The following ADAM10 variants were observed in gnomAD, a reference collection of about 807,000 sequenced individuals.
ADAM10 encodes the protein disintegrin and metalloproteinase domain-containing protein 10.
Under a neutral mutation model 90.1 loss-of-function variants are expected in ADAM10, and 17 were observed. The ratio of observed to expected loss-of-function variants is 0.19; its 90% confidence interval spans 0.13 to 0.28. ADAM10 has a LOEUF of 0.28. Ranked by LOEUF, ADAM10 falls within the 10% of genes least tolerant of loss-of-function variation. The pLI is 1.00. For missense variants in ADAM10, 610 were observed against 914.3 expected, an observed-to-expected ratio of 0.67 and a Z score of 4.29; for synonymous variants, 310 against 298.6, an observed-to-expected ratio of 1.04 and a Z score of -0.40.
chr15:58,604,816 C>A (rs903190811), intron 14 of ADAM10, among the ~76,000 whole-genome samples: 6 of 152,178 alleles, frequency 3.9e-5, no homozygotes, highest in African/African-American at 1.2e-4. Context: ...GGTGCAATCA[C>A]GGCTCACTGC....
intron 1 of ADAM10, chr15:58,732,206 T>C (rs553634703): frequency 6.6e-6 from 1 of 152,482 alleles, no homozygotes; most frequent in Admixed American, 6.5e-5. Context: ...AGCCTTCAAC[T>C]GCAAAGATAA....
At chr15:58,701,494 G>A (rs1389761132) in intron 2 of ADAM10, among the ~76,000 whole-genome samples, 1 of 152,174 alleles carries the variant, frequency 6.6e-6, no homozygotes, top group African/African-American at 2.4e-5. Context: ...AACAAATGCT[G>A]GCGAGAATGT....
At chr15:58,642,002 C>G (rs1190367225) in intron 7 of ADAM10, among the ~76,000 whole-genome samples, 3 of 152,170 alleles carry the variant, frequency 2.0e-5, no homozygotes, top group Non-Finnish European at 4.4e-5. Flanking sequence ...TATCTATTAA[C>G]AATTAACGAA....
intron 2 of ADAM10, chr15:58,692,128 G>T: frequency 2.0e-6 from 1 of 506,768 alleles, no homozygotes. Context: ...AGCTGTCCAT[G>T]ATCCACACAT....
intron 2 of ADAM10, among the ~76,000 whole-genome samples, chr15:58,695,437 G>A (rs1483383594): frequency 2.6e-5 from 4 of 152,070 alleles, no homozygotes; most frequent in African/African-American, 9.7e-5. Context: ...CATAAATTAT[G>A]TTTATAAAGG....
chr15:58,652,293 T>G (rs151154337), intron 5 of ADAM10, among the ~76,000 whole-genome samples: 2 of 152,196 alleles, frequency 1.3e-5, no homozygotes, highest in Non-Finnish European at 2.9e-5. Flanking sequence ...CCTGTGCTTA[T>G]GGGGTTTTAC....
At position 58,590,716 on chromosome 15, in the gene ADAM10, T is replaced by G. The variant is rs550967046; in HGVS notation, c.*6831A>C. On this transcript the variant is annotated 3_prime_UTR_variant, in exon 16 of 16. Coordinates refer to ENST00000260408, the MANE Select transcript of ADAM10 (RefSeq NM_001110.4). ...TGTATTTAGAAACACAAAGGCTAAC[T>G]CCCATACCCAAAGGGCAAGGGAAGA... is the stretch of plus-strand genomic sequence containing the variant. The G allele has an allele frequency of 6.6e-6, 1 of 152,304 alleles. No individual in the cohort carries two copies. Among genetic ancestry groups the G allele is most frequent in the South Asian group, 2.1e-4 (1 of 4,828 alleles). The allele number at this position is 152,304 out of a possible 1,614,324, so 9.4% of individuals were successfully genotyped here. A position where few individuals can be genotyped will look rare whatever the true frequency, so the allele number is the denominator to read the frequency against.
rs1894866922 is a variant in ADAM10 at position 58,593,181 on chromosome 15, TTTTTTTTTTTTTTTTTG to T, written c.*4349_*4365del. The T allele has an allele frequency of 1.5e-5, 1 of 64,968 alleles. No homozygotes were observed. The highest frequency in any genetic ancestry group is 5.8e-5 in the African/African-American group (1 of 17,102). 4.0% of individuals were successfully genotyped at this position (64,968 alleles called of 1,614,324 possible). On this transcript the variant is annotated 3_prime_UTR_variant, in exon 16 of 16. Coordinates refer to ENST00000260408, the MANE Select transcript of ADAM10 (RefSeq NM_001110.4). ...TTTTTTTTTTTTTTTTTTTTTTTTT[TTTTTTTTTTTTTTTTTG>T]AGACAGAGTCTCGCTCTGTCACCCA...
intron 15 of ADAM10, among the ~76,000 whole-genome samples, chr15:58,599,240 C>A (rs1261223601): frequency 6.6e-6 from 1 of 150,986 alleles, no homozygotes; most frequent in East Asian, 2.0e-4. Context: ...ATGAGAAGCA[C>A]AACTATTAGA....
intron 7 of ADAM10, among the ~76,000 whole-genome samples, chr15:58,642,204 C>T (rs950772004): frequency 1.6e-4 from 25 of 152,276 alleles, no homozygotes; most frequent in African/African-American, 5.8e-4. Context: ...CAGTGGCTCA[C>T]GCCTGTAATC....
In ADAM10 at chr15:58,679,109, A is replaced by T. The variant is rs1358405091; in HGVS notation, c.484+15T>A. ...CCTTTTGAAAAAGGCTACTTGATAA[A>T]ACTTAAGTACTTACTAATATCATCT... On this transcript the variant is annotated intron_variant, in intron 4 of 15. Transcript: ENST00000260408. 3 of 1,611,578 alleles carry T rather than the reference A, an allele frequency of 1.9e-6. No individual in the cohort carries two copies. Among genetic ancestry groups the T allele is most frequent in the Middle Eastern group, 1.7e-4 (1 of 6,026 alleles).
At chr15:58,673,371 T>C (rs1897240905) in intron 4 of ADAM10, among the ~76,000 whole-genome samples, 1 of 145,344 alleles carries the variant, frequency 6.9e-6, no homozygotes, top group South Asian at 2.2e-4. Flanking sequence ...CTTAACTGAA[T>C]ACCACTCTGT....
intron 5 of ADAM10, among the ~76,000 whole-genome samples, chr15:58,659,658 GCTTAGTTTT>G (rs1236393895): frequency 1.3e-5 from 2 of 152,078 alleles, no homozygotes; most frequent in African/African-American, 4.8e-5. Context: ...TTGCCCTGTA[GCTTAGTTTT>G]CTTGTAATGT....
chr15:58,714,579 T>G (rs1898593123), intron 2 of ADAM10, among the ~76,000 whole-genome samples: 1 of 152,118 alleles, frequency 6.6e-6, no homozygotes, highest in African/African-American at 2.4e-5. Context: ...ACAGTACAAT[T>G]TTATAGGCTG....
In ADAM10 at chr15:58,590,689, G is replaced by C. The variant is rs1180087607; in HGVS notation, c.*6858C>G. The C allele has an allele frequency of 6.6e-6, 1 of 152,192 alleles. No individual in the cohort carries two copies. Among genetic ancestry groups the C allele is most frequent in the Non-Finnish European group, 1.5e-5 (1 of 68,030 alleles). The allele number at this position is 152,192 out of a possible 1,614,324, so 9.4% of individuals were successfully genotyped here. A position where few individuals can be genotyped will look rare whatever the true frequency, so the allele number is the denominator to read the frequency against. On this transcript the variant is annotated 3_prime_UTR_variant, in exon 16 of 16. Transcript: ENST00000260408. ...CACCTTAATTTATAAAAACCGGCCT[G>C]TTGTATTTAGAAACACAAAGGCTAA...
chr15:58,739,927 G>A (rs931491625), intron 1 of ADAM10, among the ~76,000 whole-genome samples: 5 of 152,148 alleles, frequency 3.3e-5, no homozygotes, highest in African/African-American at 1.2e-4. Context: ...CAGAAGTCCA[G>A]TCCACTTCCT....
intron 10 of ADAM10, among the ~76,000 whole-genome samples, chr15:58,624,364 C>T (rs1419447184): frequency 6.6e-6 from 1 of 152,084 alleles, no homozygotes; most frequent in Non-Finnish European, 1.5e-5. Flanking sequence ...ATGATTTTTA[C>T]AAGTCTAGTA....
In ADAM10 at chr15:58,664,113, G is replaced by A. The variant is rs920174172; in HGVS notation, c.585+984C>T. Among the ~76,000 whole-genome samples, 13 of 151,904 alleles carry A rather than the reference G, an allele frequency of 8.6e-5. No homozygotes were observed. In the East Asian group the frequency reaches 1.9e-3, roughly 23 times the overall value. On this transcript the variant is annotated intron_variant, in intron 5 of 15. Coordinates refer to ENST00000260408, the MANE Select transcript of ADAM10 (RefSeq NM_001110.4). Reference sequence around the variant, plus strand: ...TGTCTCCTTGGCCTTTGTATGTACTGTTCCTCCTGCTTGGAATAGTCTTTC... The same window carrying A: ...TGTCTCCTTGGCCTTTGTATGTACTATTCCTCCTGCTTGGAATAGTCTTTC...
chr15:58,635,950 C>G (rs539315803), intron 8 of ADAM10, among the ~76,000 whole-genome samples: 11 of 152,174 alleles, frequency 7.2e-5, no homozygotes, highest in Admixed American at 5.9e-4. Context: ...TCTTAAACAA[C>G]TGCTTTTGGT....
Sources: allele counts gnomAD v4.1 joint callset (sites outside exome capture counted in the v4.1 genomes callset), GRCh38; gene constraint gnomAD v4.1.1; transcripts MANE v1.5; gene names NCBI Gene and HGNC (gene_info 2026-07-23, HGNC 2026-07-21).